Variants in KIR2DL1 observed in about 807,000 individuals in gnomAD.
The protein encoded by KIR2DL1 is killer cell immunoglobulin-like receptor 2DL1.
In KIR2DL1, 38 loss-of-function variants were observed where a neutral mutation model predicts 33.9. That is an observed-to-expected ratio of 1.12 (90% CI 0.86 to 1.47). The LOEUF (loss-of-function observed/expected upper bound fraction) is 1.47. Among genes scored for constraint, KIR2DL1 ranks in the 40% most tolerant of loss-of-function variants. The pLI, the probability that KIR2DL1 is intolerant of heterozygous loss-of-function variation, is 0.00. For missense variants in KIR2DL1, 531 were observed against 433.9 expected (o/e 1.22, Z -1.99); for synonymous variants, 179 against 165.9 (o/e 1.08, Z -0.61).
At chr19:54,770,937 C>T in intron 2 of KIR2DL1, 53 bp downstream of exon 2, 5 of 1,569,184 alleles carry the variant, frequency 3.2e-6, no homozygotes, top group Non-Finnish European at 4.4e-6. Context: ...AGAGGATTTT[C>T]CTGAAATGGG....
At chr19:54,775,945 G>A (rs1276294276) in intron 4 of KIR2DL1, among the ~76,000 whole-genome samples, 2 of 146,308 alleles carry the variant, frequency 1.4e-5, no homozygotes, top group South Asian at 2.2e-4. Context: ...ATGATGGAGT[G>A]CAGTGGCACA....
chr19:54,781,702 C>G lies in KIR2DL1; in HGVS notation c.716-1220C>G, dbSNP rs951218876. ...CAGCCTAATATGTGTCTCCCGAGAT[C>G]ACAAAGAGCAGCAGGTTTCACACGG... On this transcript the variant is annotated intron_variant, in intron 5 of 7. Coordinates refer to ENST00000336077, the MANE Select transcript of KIR2DL1 (RefSeq NM_014218.3). Among the ~76,000 whole-genome samples the G allele has an allele frequency of 3.5e-3, 528 of 152,178 alleles. 23 individuals carry two copies. Among genetic ancestry groups the G allele is most frequent in the East Asian group, 1.2e-3 (6 of 5,184 alleles).
rs2077349210 is a variant in KIR2DL1 at position 54,783,766 on chromosome 19, G to A, written c.1000G>A (p.Glu334Lys). The A allele has an allele frequency of 3.7e-6, 6 of 1,613,856 alleles. No homozygotes were observed. The highest frequency in any genetic ancestry group is 5.1e-6 in the Non-Finnish European group (6 of 1,179,966). The change falls in exon 8 of 8, where the codon GAA becomes AAA. Residue 334 changes from glutamate to lysine, a missense_variant. Transcript: ENST00000336077. ...TPPTDIIVYT[E>K]LPNAESRSKV... ...CCCAACAGATATCATCGTGTACACG[G>A]AACTTCCAAATGCTGAGTCCAGATC...
intron 4 of KIR2DL1, among the ~76,000 whole-genome samples, chr19:54,777,368 C>A (rs28887777): frequency 0.064 from 7,979 of 125,478 alleles, 24 homozygotes; most frequent in South Asian, 0.12. Context: ...TAGGATGACA[C>A]AAGTGAGCCA....
At chr19:54,776,753 G>T (rs659733) in intron 4 of KIR2DL1, among the ~76,000 whole-genome samples, 1 of 144,348 alleles carries the variant, frequency 6.9e-6, no homozygotes, top group African/African-American at 2.6e-5. Flanking sequence ...TGATTTTCCT[G>T]CCTCAGCCTC....
In KIR2DL1 at chr19:54,778,492, G is replaced by T; in HGVS notation, c.665-120G>T. The T allele has an allele frequency of 2.0e-6, 2 of 1,017,948 alleles. 1 individual carries two copies. Among genetic ancestry groups the T allele is most frequent in the Non-Finnish European group, 2.9e-6 (2 of 694,870 alleles). 63.1% of individuals were successfully genotyped at this position (1,017,948 alleles called of 1,614,324 possible). ...AAAAATTATGGAAAAAAGGATCCCAGGACTCCCAGGGCTCAATATTAGATA... is the reference window on the plus strand; with the variant it reads ...AAAAATTATGGAAAAAAGGATCCCATGACTCCCAGGGCTCAATATTAGATA... On this transcript the variant is annotated intron_variant, in intron 4 of 7. Coordinates refer to ENST00000336077, the MANE Select transcript of KIR2DL1 (RefSeq NM_014218.3).
At chr19:54,779,405 G>C (rs796472301) in intron 5 of KIR2DL1, among the ~76,000 whole-genome samples, 759 of 121,730 alleles carry the variant, frequency 6.2e-3, no homozygotes, top group African/African-American at 0.013. Context: ...CCAGTTCCTT[G>C]GCTCCTGGTC....
rs769302461 is a variant in KIR2DL1 at position 54,775,433 on chromosome 19, T to A, written c.639T>A (p.Ser213Arg). Residue 213 changes from serine to arginine, a missense_variant, in exon 4 of 8, where the codon AGT becomes AGA. Physicochemically the swap from Ser to Arg is moderately radical, Grantham distance 110. Coordinates refer to ENST00000336077, the MANE Select transcript of KIR2DL1 (RefSeq NM_014218.3). Reference sequence around the variant, plus strand: ...CTCCATACGAGTGGTCAAAGTCAAGTGACCCACTGCTTGTTTCTGTCACAG... The same window carrying A: ...CTCCATACGAGTGGTCAAAGTCAAGAGACCCACTGCTTGTTTCTGTCACAG... ...HDSPYEWSKS[S>R]DPLLVSVTGN... 3 of 1,584,670 alleles carry A rather than the reference T, an allele frequency of 1.9e-6. No homozygotes were observed. The highest frequency in any genetic ancestry group is 1.7e-5 in the Admixed American group (1 of 58,848).
At chr19:54,779,656 C>T (rs1470773494) in intron 5 of KIR2DL1, among the ~76,000 whole-genome samples, 2 of 148,380 alleles carry the variant, frequency 1.3e-5, no homozygotes, top group African/African-American at 4.9e-5. Flanking sequence ...CATCTGCAAT[C>T]TTCATTCCTC....
intron 4 of KIR2DL1, among the ~76,000 whole-genome samples, chr19:54,776,979 C>A (rs1440726060): frequency 6.7e-6 from 1 of 150,262 alleles, no homozygotes; most frequent in Non-Finnish European, 1.5e-5. Context: ...TACTTTTCTC[C>A]GTAATGGCTG....
rs1824024318 is a variant in KIR2DL1, at chr19:54,783,911, A to G, written c.*98A>G. On this transcript the variant is annotated 3_prime_UTR_variant, in exon 8 of 8. Coordinates refer to ENST00000336077, the MANE Select transcript of KIR2DL1 (RefSeq NM_014218.3). ...CCATGTACCAGCAGCTGGAATCTGA[A>G]GGCGTGAGTCTGCATCTTAGGGCAT... 6.5e-7 allele frequency: 1 copy of G among 1,533,876 alleles called. No individual in the cohort carries two copies. The highest frequency in any genetic ancestry group is 9.0e-7 in the Non-Finnish European group (1 of 1,107,608).
chr19:54,781,976 G>A lies in KIR2DL1; in HGVS notation c.716-946G>A, dbSNP rs1478254281. On this transcript the variant is annotated intron_variant, in intron 5 of 7. Coordinates refer to ENST00000336077, the MANE Select transcript of KIR2DL1 (RefSeq NM_014218.3). ...TTCCTATCACTCACCGTCACTCCAG[G>A]GAGACAGAACACACAGAGAATACGT... 2.3e-4 allele frequency among the ~76,000 whole-genome samples: 35 copies of A among 152,090 alleles called. No homozygotes were observed. The East Asian group carries it at 6.8e-3, about 29-fold the overall frequency.
intron 2 of KIR2DL1, among the ~76,000 whole-genome samples, chr19:54,772,936 G>C (rs1358147530): frequency 4.1e-5 from 6 of 146,786 alleles, no homozygotes; most frequent in South Asian, 2.2e-4. Context: ...CTGCCTTACT[G>C]ATCAGTTCAT....
intron 2 of KIR2DL1, 33 bp from the exon 3 acceptor site, chr19:54,773,300 G>C: frequency 6.4e-7 from 1 of 1,562,814 alleles, no homozygotes. Context: ...GATAAAGAGA[G>C]ACACCTTCTA....
chr19:54,773,917 TG>T (rs1398975603), intron 3 of KIR2DL1, among the ~76,000 whole-genome samples: 2 of 148,594 alleles, frequency 1.3e-5, no homozygotes, highest in East Asian at 3.9e-4. Flanking sequence ...TGTCCCTCCA[TG>T]CTGACTTTGC....
At position 54,774,831 on chromosome 19, in the gene KIR2DL1, G is replaced by C. The variant is rs1178743687; in HGVS notation, c.371-334G>C. ...TAAATAGATAGATCGATAGATAATAGATAGAAATATGCAGAAAGTTATGAA... is the reference window on the plus strand; with the variant it reads ...TAAATAGATAGATCGATAGATAATACATAGAAATATGCAGAAAGTTATGAA... On this transcript the variant is annotated intron_variant, in intron 3 of 7. Coordinates refer to ENST00000336077, the MANE Select transcript of KIR2DL1 (RefSeq NM_014218.3). Among the ~76,000 whole-genome samples, 3 of 148,574 alleles carry C rather than the reference G, an allele frequency of 2.0e-5. 1 individual carries two copies. Among genetic ancestry groups the C allele is most frequent in the Non-Finnish European group, 4.5e-5 (3 of 66,238 alleles).
chr19:54,783,139 A>G (rs1283110392), intron 6 of KIR2DL1, 116 bp downstream of exon 6: 2 of 1,231,796 alleles, frequency 1.6e-6, no homozygotes, highest in Middle Eastern at 2.0e-4. Flanking sequence ...GGCAGCAGCC[A>G]CAGAGGCAGG....
In KIR2DL1 at chr19:54,778,475, T is replaced by C. The variant is rs374285659; in HGVS notation, c.665-137T>C. The C allele has an allele frequency of 1.6e-3, 1,459 of 886,678 alleles. 135 individuals carry two copies. Among genetic ancestry groups the C allele is most frequent in the Non-Finnish European group, 1.8e-3 (1,054 of 583,886 alleles). 54.9% of individuals were successfully genotyped at this position (886,678 alleles called of 1,614,324 possible). ...CAGTGGGTGTCATATAAAAAAATTATGGAAAAAAGGATCCCAGGACTCCCA... is the reference window on the plus strand; with the variant it reads ...CAGTGGGTGTCATATAAAAAAATTACGGAAAAAAGGATCCCAGGACTCCCA... On this transcript the variant is annotated intron_variant, in intron 4 of 7. Coordinates refer to ENST00000336077, the MANE Select transcript of KIR2DL1 (RefSeq NM_014218.3).
rs773789223 is a variant in KIR2DL1 at position 54,775,157 on chromosome 19, C to T, written c.371-8C>T. 9 of 1,566,180 alleles carry T rather than the reference C, an allele frequency of 5.7e-6. 1 individual carries two copies. The East Asian group carries it at 1.6e-4, about 27-fold the overall frequency. ...CCTCCCTGAGGAAACTGCCTCTTCT[C>T]CTTCCAGGTCTATATGAGAAACCTT... On this transcript the variant is annotated splice_region_variant and splice_polypyrimidine_tract_variant and intron_variant, in intron 3 of 7. Transcript: ENST00000336077.
Sources: gnomAD v4.1 joint callset for allele counts (sites outside exome capture counted in the v4.1 genomes callset) on GRCh38, gnomAD v4.1.1 for gene constraint, MANE v1.5 for transcripts, NCBI Gene and HGNC (gene_info 2026-07-23, HGNC 2026-07-21) for gene names.